Variants in SLC16A7 observed in about 807,000 individuals in gnomAD.
SLC16A7 encodes solute carrier family 16 member 7.
Under a neutral mutation model 34.9 loss-of-function variants are expected in SLC16A7, and 33 were observed. The ratio of observed to expected loss-of-function variants is 0.94; its 90% CI spans 0.72 to 1.26. The LOEUF is 1.26. SLC16A7 is among the 50% of genes most tolerant of loss of function. The pLI is 0.00. For missense variants in SLC16A7, 573 were observed against 578.1 expected (o/e 0.99, Z 0.09); for synonymous variants, 201 against 206.6 (o/e 0.97, Z 0.23).
At chr12:59,752,873 C>G (rs1227527282) in intron 3 of SLC16A7, among the ~76,000 whole-genome samples, 1 of 152,162 alleles carries the variant, frequency 6.6e-6, no homozygotes, top group Admixed American at 6.5e-5. Flanking sequence ...GGGTTACCCA[C>G]AAAGGGAAGC....
intron 3 of SLC16A7, among the ~76,000 whole-genome samples, chr12:59,754,761 G>A (rs1880082739): frequency 6.6e-6 from 1 of 152,104 alleles, no homozygotes; most frequent in African/African-American, 2.4e-5. Flanking sequence ...ATTTTATGAG[G>A]CCAGCATCAT....
intron 1 of SLC16A7, among the ~76,000 whole-genome samples, chr12:59,634,145 C>G (rs901300605): frequency 6.6e-6 from 1 of 151,964 alleles, no homozygotes; most frequent in Non-Finnish European, 1.5e-5. Flanking sequence ...CTCTGGAATC[C>G]GTTCTTACAT....
chr12:59,771,789 A>T (rs914660935), intron 4 of SLC16A7, among the ~76,000 whole-genome samples: 3 of 152,128 alleles, frequency 2.0e-5, no homozygotes, highest in Admixed American at 2.0e-4. Context: ...GATGCCAGAG[A>T]GATATTTTCT....
chr12:59,664,387 T>C (rs756495320), intron 2 of SLC16A7, among the ~76,000 whole-genome samples: 8 of 152,024 alleles, frequency 5.3e-5, no homozygotes, highest in Non-Finnish European at 8.8e-5. Flanking sequence ...ATTTACAGAG[T>C]GGCTGACCAT....
intron 2 of SLC16A7, among the ~76,000 whole-genome samples, chr12:59,702,239 C>CAAGGAAAAA (rs1872973943): frequency 6.6e-6 from 1 of 151,560 alleles, no homozygotes; most frequent in African/African-American, 2.4e-5. Flanking sequence ...TTTCTTTTTT[C>CAAGGAAAAA]CTTAAATATT....
At chr12:59,605,414 T>C (rs1878891277) in intron 1 of SLC16A7, among the ~76,000 whole-genome samples, 2 of 152,152 alleles carry the variant, frequency 1.3e-5, no homozygotes, top group Admixed American at 1.3e-4. Context: ...AAGACTCCCA[T>C]GGAAGCCCTG....
intron 1 of SLC16A7, among the ~76,000 whole-genome samples, chr12:59,624,463 A>G (rs1879832911): frequency 6.6e-6 from 1 of 151,720 alleles, no homozygotes; most frequent in Admixed American, 6.6e-5. Context: ...ATAAATGAGC[A>G]TGACTTTGAT....
At chr12:59,749,129 A>G (rs188411920) in intron 3 of SLC16A7, among the ~76,000 whole-genome samples, 10 of 152,316 alleles carry the variant, frequency 6.6e-5, no homozygotes, top group Non-Finnish European at 1.2e-4. Context: ...ATTTATTAGT[A>G]AGGAAGAGAA....
chr12:59,775,502 T>C, intron 5 of SLC16A7, 27 bp downstream of exon 5: 1 of 1,542,040 alleles, frequency 6.5e-7, no homozygotes. Flanking sequence ...TCAAGGAAAA[T>C]GTAAAGCATA....
chr12:59,769,495 T>C (rs897911916), intron 3 of SLC16A7, among the ~76,000 whole-genome samples: 1 of 152,132 alleles, frequency 6.6e-6, no homozygotes, highest in Admixed American at 6.6e-5. Context: ...GTTGTTTTTA[T>C]AGAGCATTCT....
In SLC16A7 at chr12:59,774,813, G is replaced by T; in HGVS notation, c.518G>T (p.Gly173Val). ...AATCAGTACCTTTTTAATACTTTTGGCTGGAAAGGAAGCTTCCTGATTTTG... is the reference window on the plus strand; with the variant it reads ...AATCAGTACCTTTTTAATACTTTTGTCTGGAAAGGAAGCTTCCTGATTTTG... ...PFNQYLFNTF[G>V]WKGSFLILGS... is the part of the protein sequence containing the mutation. The change falls in exon 5 of 6, where the codon GGC becomes GTC. Residue 173 changes from glycine (G) to valine (V), a missense_variant. Physicochemically the swap from Gly to Val is moderately radical, Grantham distance 109. Coordinates refer to ENST00000547379, the MANE Select transcript of SLC16A7 (RefSeq NM_001270623.2). 6.2e-7 allele frequency: 1 copy of T among 1,613,802 alleles called. No homozygotes were observed. The highest frequency in any genetic ancestry group is 1.3e-5 in the African/African-American group (1 of 74,980).
chr12:59,611,262 G>A (rs1879179787), intron 1 of SLC16A7, among the ~76,000 whole-genome samples: 1 of 152,180 alleles, frequency 6.6e-6, no homozygotes, highest in Admixed American at 6.5e-5. Context: ...AACAGTCATG[G>A]TAGAAGGGGG....
At position 59,789,429 on chromosome 12, in the gene SLC16A7, T is replaced by C. The variant is rs1304314962; in HGVS notation, c.*9750T>C. 1.3e-5 allele frequency: 2 copies of C among 152,188 alleles called. No individual in the cohort carries two copies. Among genetic ancestry groups the C allele is most frequent in the African/African-American group, 2.4e-5 (1 of 41,460 alleles). 9.4% of individuals were successfully genotyped at this position (152,188 alleles called of 1,614,324 possible). On this transcript the variant is annotated 3_prime_UTR_variant, in exon 6 of 6. Transcript: ENST00000547379. ...TGCAACAGCTAAACTTTATGGTACA[T>C]ATTAATTAGTTTTATTTTCTTTTCA...
chr12:59,622,196 C>T (rs561780399), intron 1 of SLC16A7, among the ~76,000 whole-genome samples: 1 of 151,938 alleles, frequency 6.6e-6, no homozygotes, highest in Admixed American at 6.6e-5. Flanking sequence ...CATGTTCAAA[C>T]ATTATTCTCA....
At chr12:59,629,823 T>C (rs1469901326) in intron 1 of SLC16A7, among the ~76,000 whole-genome samples, 1 of 151,936 alleles carries the variant, frequency 6.6e-6, no homozygotes, top group Non-Finnish European at 1.5e-5. Flanking sequence ...TTTCTAATGA[T>C]GCTATCATGA....
chr12:59,631,244 T>A (rs1291711409), intron 1 of SLC16A7, among the ~76,000 whole-genome samples: 1 of 151,984 alleles, frequency 6.6e-6, no homozygotes, highest in Non-Finnish European at 1.5e-5. Flanking sequence ...GCTGCTAGAA[T>A]AGGCCTTTGG....
rs547755492 is a variant in SLC16A7 at position 59,596,808 on chromosome 12, C to T, written c.-130+572C>T. The stretch of plus-strand genomic sequence containing the variant: ...GAGGCTGTGAGGGGAAGACGAAATA[C>T]CGGGGGATGGGGGGGTTGTCTTTCT... On this transcript the variant is annotated intron_variant, in intron 1 of 5. Coordinates refer to ENST00000547379, the MANE Select transcript of SLC16A7 (RefSeq NM_001270623.2). This position sits in a 1 kb window ranked among gnomAD's most constrained non-coding sequence, Gnocchi z 5.0. 5.9e-5 allele frequency among the ~76,000 whole-genome samples: 9 copies of T among 152,252 alleles called. No homozygotes were observed. The South Asian group carries it at 1.5e-3, about 25-fold the overall frequency.
At chr12:59,768,233 A>G (rs772193141) in intron 3 of SLC16A7, 1 of 454,670 alleles carries the variant, frequency 2.2e-6, no homozygotes, top group South Asian at 1.6e-5. Flanking sequence ...CTGTTATGGG[A>G]GGAGGTCAAA....
rs1883634041 is a variant in SLC16A7, at chr12:59,786,519, T to C, written c.*6840T>C. ...CAACTTTCTATATTTAACTAAAGCA[T>C]TAGTATTTCTAGATTTAGTGAAATA... On this transcript the variant is annotated 3_prime_UTR_variant, in exon 6 of 6. Coordinates refer to ENST00000547379, the MANE Select transcript of SLC16A7 (RefSeq NM_001270623.2). 1 of 152,184 alleles carries C rather than the reference T, an allele frequency of 6.6e-6. No individual in the cohort carries two copies. The allele number at this position is 152,184 out of a possible 1,614,324, so 9.4% of individuals were successfully genotyped here.
Sources: allele counts gnomAD v4.1 joint callset (sites outside exome capture counted in the v4.1 genomes callset), GRCh38; gene constraint gnomAD v4.1.1; non-coding constraint Gnocchi (gnomAD v3.1); transcripts MANE v1.5; gene names NCBI Gene and HGNC (gene_info 2026-07-23, HGNC 2026-07-21).